The following PCDH15 variants were observed in gnomAD, a reference collection of about 807,000 sequenced individuals.
PCDH15 encodes protocadherin related 15, also known as protocadherin-15.
PCDH15 carries 129 observed loss-of-function variants against 178.5 expected under a neutral mutation model. That is an observed-to-expected ratio of 0.72 (90% CI 0.63 to 0.84). The LOEUF (loss-of-function observed/expected upper bound fraction) is 0.84, where lower values mean the gene tolerates loss of function less well. Among genes scored for constraint, PCDH15 ranks in the 40% least tolerant of loss-of-function variants. The probability of loss-of-function intolerance (pLI) is 0.00; values close to 1 mark genes in which losing one functional copy is unlikely to be tolerated. For missense variants in PCDH15, 2,230 were observed against 2,099.9 expected, an observed-to-expected ratio of 1.06 and a Z score of -1.21; for synonymous variants, 800 against 732.0, an observed-to-expected ratio of 1.09 and a Z score of -1.50.
chr10:54,403,182 A>T (rs112470618), intron 3 of PCDH15, among the ~76,000 whole-genome samples: 3,987 of 152,112 alleles, frequency 0.026, 166 homozygotes, highest in African/African-American at 0.089. Flanking sequence ...TTAAGCCAAA[A>T]CAAAATCCAG....
chr10:54,929,918 A>T (rs1214395336), intron 2 of PCDH15, among the ~76,000 whole-genome samples: 3 of 152,204 alleles, frequency 2.0e-5, no homozygotes, highest in African/African-American at 4.8e-5. Flanking sequence ...TTATTTAAGC[A>T]GATAGATAGG....
intron 8 of PCDH15, among the ~76,000 whole-genome samples, chr10:54,303,544 G>C (rs894853097): frequency 2.0e-5 from 3 of 152,018 alleles, no homozygotes; most frequent in Admixed American, 2.0e-4. Context: ...TAATGCAACT[G>C]AAAGTCATAT....
Position 55,241,513 on chromosome 10 carries a change from G to T in PCDH15, c.-155-74862C>A, listed in dbSNP as rs553837171. 6.2e-4 allele frequency among the ~76,000 whole-genome samples: 95 copies of T among 152,138 alleles called. 1 individual carries two copies. In the South Asian group the frequency reaches 0.019, roughly 31 times the overall value. On this transcript the variant is annotated intron_variant, in intron 1 of 5. Coordinates refer to the PCDH15 transcript ENST00000458638. The stretch of plus-strand genomic sequence containing the variant: ...CAGCTCACTGCAGCCTCAACCTCCC[G>T]GGCTCAAGTGATCATCCTACCTTAG...
intron 18 of PCDH15, among the ~76,000 whole-genome samples, chr10:54,050,125 A>C (rs2093736796): frequency 6.6e-6 from 1 of 152,160 alleles, no homozygotes; most frequent in African/African-American, 2.4e-5. Flanking sequence ...GAATAGTTTC[A>C]GTAGGACTGG....
At chr10:53,888,068 AAGAAG>A (rs2081226131) in intron 26 of PCDH15, among the ~76,000 whole-genome samples, 2 of 151,678 alleles carry the variant, frequency 1.3e-5, no homozygotes, top group African/African-American at 4.8e-5. Context: ...GGTTGTAAGA[AAGAAG>A]AGAATATATA....
At chr10:54,772,306 T>C (rs868311366) in intron 1 of PCDH15, among the ~76,000 whole-genome samples, 3 of 152,202 alleles carry the variant, frequency 2.0e-5, no homozygotes, top group Non-Finnish European at 2.9e-5. Flanking sequence ...ACTTGTAATG[T>C]TCATGTTCAA....
chr10:53,822,457 A>AAGGAGGAGAAAT lies in PCDH15; in HGVS notation c.4368-2239_4368-2228dup, dbSNP rs756858099. The AAGGAGGAGAAAT allele has an allele frequency of 6.3e-7, 1 of 1,599,846 alleles. No individual in the cohort carries two copies. The highest frequency in any genetic ancestry group is 1.4e-5 in the African/African-American group (1 of 73,630). Reference sequence around the variant, plus strand: ...AGAGGAGCAGGAGCAGGAGGAGGAGAAGGAGGAGAAATAGGAGGAGGAGGG... The same window carrying AAGGAGGAGAAAT: ...AGAGGAGCAGGAGCAGGAGGAGGAGAAGGAGGAGAAATAGGAGGAGAAATAGGAGGAGGAGGG... On this transcript the variant is annotated intron_variant, in intron 32 of 37. Transcript: ENST00000644397.
intron 2 of PCDH15, among the ~76,000 whole-genome samples, chr10:55,417,860 A>C (rs932906683): frequency 6.6e-6 from 1 of 151,626 alleles, no homozygotes; most frequent in Non-Finnish European, 1.5e-5. Flanking sequence ...CTTCATGTTT[A>C]AATGCATCTT....
intron 2 of PCDH15, among the ~76,000 whole-genome samples, chr10:55,527,698 A>G (rs933535174): frequency 5.0e-4 from 76 of 152,064 alleles, no homozygotes; most frequent in African/African-American, 1.7e-3. Context: ...AAGAGAAAGA[A>G]TAAAAACAAA....
chr10:53,843,873 C>G (rs936782045), intron 28 of PCDH15, among the ~76,000 whole-genome samples: 6 of 152,050 alleles, frequency 3.9e-5, no homozygotes, highest in African/African-American at 1.4e-4. Context: ...GGCCAGAAGC[C>G]ATTCCAGACA....
At chr10:53,953,091 C>A (rs2087243988) in intron 23 of PCDH15, among the ~76,000 whole-genome samples, 1 of 152,242 alleles carries the variant, frequency 6.6e-6, no homozygotes, top group African/African-American at 2.4e-5. Flanking sequence ...GTTCTCAGCT[C>A]TCACTGACTC....
At position 54,172,418 on chromosome 10, in the gene PCDH15, G is replaced by A. The variant is rs539449154; in HGVS notation, c.1590+11026C>T. ...ATCTCCCTTAGCTGACTCTCTTTTC[G>A]GACTCAGCCCGCCTGCACCCGGGTG... On this transcript the variant is annotated intron_variant, in intron 13 of 37. Coordinates refer to ENST00000644397, the MANE Select transcript of PCDH15 (RefSeq NM_001384140.1). Among the ~76,000 whole-genome samples the A allele has an allele frequency of 5.9e-5, 9 of 151,784 alleles. No individual in the cohort carries two copies. In the South Asian group the frequency reaches 8.3e-4, roughly 14 times the overall value.
chr10:55,295,385 A>G (rs1843106840), intron 1 of PCDH15, among the ~76,000 whole-genome samples: 1 of 152,250 alleles, frequency 6.6e-6, no homozygotes, highest in South Asian at 2.1e-4. Flanking sequence ...ATCCATGCAC[A>G]GAAAGTCAGG....
rs190685714 is a variant in PCDH15 at position 54,202,539 on chromosome 10, G to A, written c.1099-6650C>T. ...AAAAAGCAGATTCCCTGGGCCAGGC[G>A]CAGTGTCTCACGCCTGTAATCCTAA... On this transcript the variant is annotated intron_variant, in intron 10 of 37. Coordinates refer to ENST00000644397, the MANE Select transcript of PCDH15 (RefSeq NM_001384140.1). Among the ~76,000 whole-genome samples, 223 of 152,144 alleles carry A rather than the reference G, an allele frequency of 1.5e-3. 1 individual carries two copies. Among genetic ancestry groups the A allele is most frequent in the African/African-American group, 4.3e-3 (177 of 41,528 alleles).
chr10:54,570,817 A>AATTTTTTTTTTTTTTTTTTTTT (rs571170500), intron 2 of PCDH15, among the ~76,000 whole-genome samples: 1 of 9,972 alleles, frequency 1.0e-4, no homozygotes, highest in African/African-American at 5.1e-4. Context: ...ACGCCTGGCT[A>AATTTTTTTTTTTTTTTTTTTTT]TTTTTTTTTT....
intron 8 of PCDH15, among the ~76,000 whole-genome samples, chr10:54,307,277 G>A (rs1366787761): frequency 6.7e-6 from 1 of 148,912 alleles, no homozygotes; most frequent in Non-Finnish European, 1.5e-5. Flanking sequence ...CTTTTTAAAT[G>A]TTTCAGTATA....
At chr10:53,827,336 C>T in intron 32 of PCDH15, 57 bp downstream of exon 32, 4 of 1,536,164 alleles carry the variant, frequency 2.6e-6, no homozygotes, top group Non-Finnish European at 3.5e-6. Flanking sequence ...AAATACTCAC[C>T]ACACAGAATT....
chr10:55,217,874 G>A (rs550680164), intron 1 of PCDH15, among the ~76,000 whole-genome samples: 1 of 151,894 alleles, frequency 6.6e-6, no homozygotes. Context: ...TTGTGGAAGG[G>A]ATTCTTTTTA....
intron 2 of PCDH15, among the ~76,000 whole-genome samples, chr10:55,549,178 TC>T (rs770100804): frequency 6.6e-5 from 10 of 151,546 alleles, no homozygotes; most frequent in African/African-American, 2.2e-4. Flanking sequence ...GTTTGTTTTT[TC>T]CCCCCCAGCA....
Sources: gnomAD v4.1 joint callset for allele counts (sites outside exome capture counted in the v4.1 genomes callset) on GRCh38, gnomAD v4.1.1 for gene constraint, MANE v1.5 for transcripts, NCBI Gene and HGNC (gene_info 2026-07-23, HGNC 2026-07-21) for gene names.